Variants in ZNF804A observed in about 807,000 individuals in gnomAD.
ZNF804A encodes the protein zinc finger protein 804A.
ZNF804A carries 2 observed loss-of-function variants against 16.5 expected under a neutral mutation model. That is an observed-to-expected ratio of 0.12 (90% CI 0.05 to 0.38). The LOEUF (loss-of-function observed/expected upper bound fraction) is 0.38. ZNF804A is among the 10% of genes least tolerant of loss of function. The pLI, the probability that ZNF804A is intolerant of heterozygous loss-of-function variation, is 0.99. For missense variants in ZNF804A, 1,473 were observed against 1,390.7 expected, an observed-to-expected ratio of 1.06 and a Z score of -0.94; for synonymous variants, 534 against 489.6, an observed-to-expected ratio of 1.09 and a Z score of -1.20.
intron 1 of ZNF804A, among the ~76,000 whole-genome samples, chr2:184,612,302 T>C (rs374440055): frequency 2.6e-5 from 4 of 152,192 alleles, no homozygotes; most frequent in East Asian, 3.8e-4. Context: ...TTTATTAAAA[T>C]TTAATGGAAT....
intron 1 of ZNF804A, among the ~76,000 whole-genome samples, chr2:184,805,585 G>GA (rs1162575208): frequency 2.0e-5 from 3 of 151,874 alleles, no homozygotes; most frequent in South Asian, 2.1e-4. Context: ...ATCTTAGGGG[G>GA]AAAAAACAGT....
At chr2:184,666,659 A>G (rs1241491342) in intron 1 of ZNF804A, among the ~76,000 whole-genome samples, 1 of 152,050 alleles carries the variant, frequency 6.6e-6, no homozygotes, top group East Asian at 1.9e-4. Flanking sequence ...GTGTGCTATC[A>G]TCTCAGGCAA....
chr2:184,802,503 A>G (rs1429710792), intron 1 of ZNF804A, among the ~76,000 whole-genome samples: 1 of 152,178 alleles, frequency 6.6e-6, no homozygotes, highest in Non-Finnish European at 1.5e-5. Flanking sequence ...ACATTCAAAC[A>G]CAACTAATTT....
At chr2:184,813,237 T>TA (rs750850682) in intron 1 of ZNF804A, among the ~76,000 whole-genome samples, 102 of 151,300 alleles carry the variant, frequency 6.7e-4, no homozygotes, top group Middle Eastern at 3.4e-3. Flanking sequence ...CTATGATAAT[T>TA]AAAAAAAAAG....
At chr2:184,753,464 C>A (rs2105759611) in intron 1 of ZNF804A, among the ~76,000 whole-genome samples, 1 of 151,818 alleles carries the variant, frequency 6.6e-6, no homozygotes, top group East Asian at 1.9e-4. Context: ...AAATGCCTCT[C>A]TGATCAATGT....
chr2:184,901,704 A>T (rs1685184679), intron 2 of ZNF804A, among the ~76,000 whole-genome samples: 1 of 152,250 alleles, frequency 6.6e-6, no homozygotes, highest in African/African-American at 2.4e-5. Context: ...ATATTATTGT[A>T]AATTCCAGAA....
intron 1 of ZNF804A, among the ~76,000 whole-genome samples, chr2:184,679,316 T>C (rs1467161552): frequency 6.6e-6 from 1 of 152,254 alleles, no homozygotes; most frequent in Non-Finnish European, 1.5e-5. Context: ...GTCATTGCGA[T>C]GGCAGCGGGG....
intron 1 of ZNF804A, among the ~76,000 whole-genome samples, chr2:184,852,198 T>C (rs1398081094): frequency 6.6e-6 from 1 of 151,112 alleles, no homozygotes; most frequent in African/African-American, 2.4e-5. Flanking sequence ...GATAATATAC[T>C]GAATATAAAA....
At chr2:184,791,813 A>G (rs1694548890) in intron 1 of ZNF804A, among the ~76,000 whole-genome samples, 2 of 152,144 alleles carry the variant, frequency 1.3e-5, no homozygotes, top group African/African-American at 4.8e-5. Context: ...AGAATAGTTT[A>G]AGAGCCCTAA....
chr2:184,855,613 T>TACAC (rs1429244586), intron 1 of ZNF804A, among the ~76,000 whole-genome samples: 1 of 124,136 alleles, frequency 8.1e-6, no homozygotes, highest in Non-Finnish European at 1.8e-5. Flanking sequence ...TATATATATA[T>TACAC]ATACACACAC....
intron 1 of ZNF804A, among the ~76,000 whole-genome samples, chr2:184,821,834 G>C (rs890155951): frequency 6.6e-6 from 1 of 152,160 alleles, no homozygotes; most frequent in Non-Finnish European, 1.5e-5. Context: ...CTGATCATTA[G>C]AGAAATGCAG....
intron 2 of ZNF804A, among the ~76,000 whole-genome samples, chr2:184,873,808 A>T (rs930995270): frequency 6.6e-6 from 1 of 152,206 alleles, no homozygotes. Flanking sequence ...TACAACATAG[A>T]TTTAAAAAAT....
intron 1 of ZNF804A, among the ~76,000 whole-genome samples, chr2:184,771,793 G>A (rs995806806): frequency 2.0e-5 from 3 of 152,056 alleles, no homozygotes; most frequent in Non-Finnish European, 2.9e-5. Flanking sequence ...ATGCCCACTT[G>A]CTTTATCAAG....
chr2:184,672,793 G>A (rs1692357044), intron 1 of ZNF804A, among the ~76,000 whole-genome samples: 1 of 151,796 alleles, frequency 6.6e-6, no homozygotes, highest in African/African-American at 2.4e-5. Context: ...CCAGGCTGGA[G>A]TGCAGTGGCA....
At chr2:184,808,028 C>T (rs1490876266) in intron 1 of ZNF804A, among the ~76,000 whole-genome samples, 1 of 151,286 alleles carries the variant, frequency 6.6e-6, no homozygotes, top group South Asian at 2.1e-4. Flanking sequence ...CTTTGAATTG[C>T]AGAATTAGCA....
Position 184,938,368 on chromosome 2 carries a change from G to A in ZNF804A, c.2972G>A (p.Trp991Ter). The part of the protein sequence containing the change: ...QGKMNETPTE[W>*]LRYNSGILNT... ...AAGATGAATGAGACACCAACTGAGT[G>A]GCTGCGTTATAATTCAGGAATCCTT... Residue 991 changes from tryptophan to a stop codon, truncating the protein, a stop_gained, in exon 4 of 4, where the codon TGG (tryptophan) becomes TAG (stop). Coordinates refer to ENST00000302277, the MANE Select transcript of ZNF804A (RefSeq NM_194250.2). LOFTEE classifies it low-confidence loss of function (END_TRUNC). The A allele has an allele frequency of 5.6e-6, 9 of 1,614,096 alleles. No individual in the cohort carries two copies. Among genetic ancestry groups the A allele is most frequent in the Non-Finnish European group, 7.6e-6 (9 of 1,180,012 alleles).
intron 1 of ZNF804A, among the ~76,000 whole-genome samples, chr2:184,647,532 A>T (rs972250680): frequency 6.6e-6 from 1 of 152,324 alleles, no homozygotes; most frequent in South Asian, 2.1e-4. Context: ...AGAGATAAAC[A>T]TTATAAAAAT....
At chr2:184,722,368 CTG>C (rs1448642801) in intron 1 of ZNF804A, among the ~76,000 whole-genome samples, 1 of 151,930 alleles carries the variant, frequency 6.6e-6, no homozygotes, top group Non-Finnish European at 1.5e-5. Flanking sequence ...AATTTTACAT[CTG>C]TGAAGTTTAT....
At chr2:184,859,449 T>C (rs1463634157) in intron 1 of ZNF804A, among the ~76,000 whole-genome samples, 1 of 152,126 alleles carries the variant, frequency 6.6e-6, no homozygotes, top group Non-Finnish European at 1.5e-5. Context: ...CTTTATTCTA[T>C]ATATTATTGA....
Sources: gnomAD v4.1 joint callset for allele counts (sites outside exome capture counted in the v4.1 genomes callset) on GRCh38, gnomAD v4.1.1 for gene constraint, MANE v1.5 for transcripts, NCBI Gene and HGNC (gene_info 2026-07-23, HGNC 2026-07-21) for gene names.